Variants in TSPAN14 observed in about 807,000 individuals in gnomAD.
TSPAN14 encodes tetraspanin-14.
Under a neutral mutation model 36.6 loss-of-function variants are expected in TSPAN14, and 16 were observed. That is an observed-to-expected ratio of 0.44 (90% CI 0.30 to 0.66). TSPAN14 has a LOEUF of 0.66. Among genes scored for constraint, TSPAN14 ranks in the 30% least tolerant of loss-of-function variants. TSPAN14 has a pLI of 0.12. For missense variants in TSPAN14, 231 were observed against 355.1 expected (o/e 0.65, Z 2.81); for synonymous variants, 139 against 143.8 (o/e 0.97, Z 0.24).
intron 1 of TSPAN14, chr10:80,466,334 G>GC (rs1484394050): frequency 6.6e-6 from 1 of 152,072 alleles, no homozygotes; most frequent in African/African-American, 2.4e-5. Context: ...GTTTAGTGTA[G>GC]CCCCCACCTC....
chr10:80,517,773 C>G (rs1391406410), intron 8 of TSPAN14, 132 bp from the exon 9 acceptor site: 7 of 856,182 alleles, frequency 8.2e-6, no homozygotes, highest in Non-Finnish European at 1.3e-5. Flanking sequence ...GCGGTGCTGT[C>G]TCTACGTCTT....
In TSPAN14 at chr10:80,506,920, C is replaced by A. The variant is rs140697989; in HGVS notation, c.133-308C>A. Among the ~76,000 whole-genome samples the A allele has an allele frequency of 5.5e-3, 845 of 152,318 alleles. 11 individuals carry two copies. Among genetic ancestry groups the A allele is most frequent in the African/African-American group, 0.019 (805 of 41,578 alleles). ...ACCAGTTTGACCACAGGCCACAGGG[C>A]CCCGTTTCCCTCCAGGCCTGGAATA... On this transcript the variant is annotated intron_variant, in intron 3 of 8. Transcript: ENST00000429989.
intron 1 of TSPAN14, among the ~76,000 whole-genome samples, chr10:80,461,602 G>A (rs1005722762): frequency 2.0e-5 from 3 of 152,154 alleles, no homozygotes; most frequent in Non-Finnish European, 2.9e-5. Context: ...CCAGGATGGG[G>A]TGGGGCGGGC....
intron 2 of TSPAN14, among the ~76,000 whole-genome samples, chr10:80,502,992 A>C (rs1174047395): frequency 3.9e-5 from 6 of 152,024 alleles, no homozygotes; most frequent in African/African-American, 2.4e-5. Context: ...AGGGTGTGTC[A>C]GTGGAATGGT....
chr10:80,507,207 T>C, intron 3 of TSPAN14, 21 bp from the exon 4 acceptor site: 1 of 1,614,168 alleles, frequency 6.2e-7, no homozygotes, highest in Non-Finnish European at 8.5e-7. Context: ...AGTGCTGCCC[T>C]GCTTTCTCTG....
At position 80,476,295 on chromosome 10, in the gene TSPAN14, G is replaced by C. The variant is rs927224922; in HGVS notation, c.-17-12922G>C. Among the ~76,000 whole-genome samples, 5 of 152,226 alleles carry C rather than the reference G, an allele frequency of 3.3e-5. No individual in the cohort carries two copies. The South Asian group carries it at 1.0e-3, about 32-fold the overall frequency. ...GGCTGAGGCAGGATTGCTTGAGCCT[G>C]GGAGGTCAAGGCTGCAGTGAGCCCA... On this transcript the variant is annotated intron_variant, in intron 1 of 8. Transcript: ENST00000429989.
Position 80,462,163 on chromosome 10 carries a change from T to C in TSPAN14, c.-18+7792T>C, listed in dbSNP as rs55895065. On this transcript the variant is annotated intron_variant, in intron 1 of 8. Coordinates refer to ENST00000429989, the Ensembl canonical transcript of TSPAN14. ...CTCCTGGGCACTTGATTTGTGCTTC[T>C]TAATTCAGGGGCTACTTATTGAACA... Among the ~76,000 whole-genome samples the C allele has an allele frequency of 8.2e-3, 1,252 of 152,276 alleles. 17 individuals carry two copies. The highest frequency in any genetic ancestry group is 0.028 in the African/African-American group (1,143 of 41,524).
intron 1 of TSPAN14, among the ~76,000 whole-genome samples, chr10:80,456,500 C>A (rs1011722511): frequency 6.6e-6 from 1 of 152,098 alleles, no homozygotes; most frequent in Non-Finnish European, 1.5e-5. Context: ...CCATGGAGGC[C>A]GGGGAGCAGG....
At chr10:80,517,809 G>A in intron 8 of TSPAN14, 96 bp from the exon 9 acceptor site, 1 of 1,177,522 alleles carries the variant, frequency 8.5e-7, no homozygotes, top group Admixed American at 2.0e-5. Context: ...GGTGAGGAGA[G>A]GCGTGCAGTG....
chr10:80,514,564 C>T (rs1339254310), intron 7 of TSPAN14, among the ~76,000 whole-genome samples: 1 of 152,104 alleles, frequency 6.6e-6, no homozygotes, highest in Non-Finnish European at 1.5e-5. Flanking sequence ...GAAGACCCCA[C>T]CCCACTCCAG....
chr10:80,494,395 A>G (rs535681930), intron 2 of TSPAN14, among the ~76,000 whole-genome samples: 1 of 152,310 alleles, frequency 6.6e-6, no homozygotes, highest in South Asian at 2.1e-4. Flanking sequence ...AGTCTTGCGA[A>G]TTTTGCCAGA....
intron 1 of TSPAN14, among the ~76,000 whole-genome samples, chr10:80,457,484 G>A (rs530852498): frequency 1.3e-5 from 2 of 152,064 alleles, no homozygotes; most frequent in African/African-American, 2.4e-5. Flanking sequence ...CCACTGTGCC[G>A]GACCAGGTTT....
chr10:80,475,673 C>T (rs1015399938), intron 1 of TSPAN14, among the ~76,000 whole-genome samples: 1 of 152,098 alleles, frequency 6.6e-6, no homozygotes, highest in African/African-American at 2.4e-5. Context: ...CTGCAACTTC[C>T]GCCTCCTGGG....
chr10:80,512,051 A>G, intron 5 of TSPAN14, 93 bp from the exon 6 acceptor site: 1 of 1,575,700 alleles, frequency 6.3e-7, no homozygotes. Context: ...ATGCCGGCAG[A>G]CTTAGCCTGG....
rs74419045 is a variant in TSPAN14, at chr10:80,474,813, C to T, written c.-17-14404C>T. Among the ~76,000 whole-genome samples the T allele has an allele frequency of 1.4e-3, 208 of 152,206 alleles. 1 individual carries two copies. In the East Asian group the frequency reaches 0.019, roughly 14 times the overall value. On this transcript the variant is annotated intron_variant, in intron 1 of 8. Coordinates refer to ENST00000429989, the Ensembl canonical transcript of TSPAN14. ...CACTTTTCTCCACTGTCATGTCATC[C>T]GGCTTCCTTCCCTTGGGTTTTCTCT...
In TSPAN14 at chr10:80,516,284, C is replaced by T. The variant is rs903438678; in HGVS notation, c.702C>T (p.Tyr234=). ...AAAGCTGGCTCCCGCGGAACATTTA[C>T]ATTGTGGCTGGCGTCTTCATCGCCA... The change falls in exon 8 of 9, where the codon TAC becomes TAT. Residue 234 remains tyrosine (Y), a synonymous_variant. Coordinates refer to ENST00000429989, the Ensembl canonical transcript of TSPAN14. 5 of 1,614,138 alleles carry T rather than the reference C, an allele frequency of 3.1e-6. No individual in the cohort carries two copies. The African/African-American group carries it at 6.7e-5, about 22-fold the overall frequency.
At chr10:80,507,071 A>C in intron 3 of TSPAN14, 157 bp from the exon 4 acceptor site, 1 of 946,884 alleles carries the variant, frequency 1.1e-6, no homozygotes, top group Non-Finnish European at 1.6e-6. Context: ...GGGGCCCCTA[A>C]GGGCATGGAT....
At chr10:80,516,108 C>G in intron 7 of TSPAN14, 96 bp from the exon 8 acceptor site, 1 of 1,581,622 alleles carries the variant, frequency 6.3e-7, no homozygotes, top group Non-Finnish European at 8.6e-7. Context: ...TCGTTCCCAC[C>G]CTGCTTTGCC....
intron 1 of TSPAN14, among the ~76,000 whole-genome samples, chr10:80,466,707 G>T (rs1029027820): frequency 2.6e-5 from 4 of 152,190 alleles, no homozygotes; most frequent in Admixed American, 2.6e-4. Context: ...TTTTAAAGAG[G>T]TTTATTCCAA....
Sources: allele counts gnomAD v4.1 joint callset (sites outside exome capture counted in the v4.1 genomes callset), GRCh38; gene constraint gnomAD v4.1.1; transcripts MANE v1.5; gene names NCBI Gene and HGNC (gene_info 2026-07-23, HGNC 2026-07-21).